The following ARHGAP18 variants were observed in gnomAD, a reference collection of about 807,000 sequenced individuals.
The protein encoded by ARHGAP18 is rho GTPase-activating protein 18.
ARHGAP18 carries 67 observed loss-of-function variants against 86.2 expected under a neutral mutation model. The ratio of observed to expected loss-of-function variants is 0.78; its 90% CI spans 0.64 to 0.95. The LOEUF (loss-of-function observed/expected upper bound fraction) is 0.95, where lower values mean the gene tolerates loss of function less well. ARHGAP18 is among the 40% of genes least tolerant of loss of function. The pLI, the probability that ARHGAP18 is intolerant of heterozygous loss-of-function variation, is 0.00. For synonymous variants in ARHGAP18, 283 were observed against 280.4 expected (o/e 1.01, Z -0.09); for missense variants, 691 against 780.4 (o/e 0.89, Z 1.37).
At chr6:129,594,902 A>G (rs1788585495) in intron 12 of ARHGAP18, among the ~76,000 whole-genome samples, 1 of 152,178 alleles carries the variant, frequency 6.6e-6, no homozygotes, top group South Asian at 2.1e-4. Flanking sequence ...ATTACCACCC[A>G]TAAGCCCAGA....
rs184020778 is a variant in ARHGAP18, at chr6:129,652,049, C to T, written c.114-10031G>A. On this transcript the variant is annotated intron_variant, in intron 1 of 14. Transcript: ENST00000368149. ...ACCAGCCCTTTGATCTTGAACTTTC[C>T]AGTTTCTGAAACTGTGAGAAATACA... Among the ~76,000 whole-genome samples, 3 of 152,298 alleles carry T rather than the reference C, an allele frequency of 2.0e-5. No individual in the cohort carries two copies. The East Asian group carries it at 5.8e-4, about 29-fold the overall frequency.
At chr6:129,708,369 G>A (rs562678147) in intron 1 of ARHGAP18, among the ~76,000 whole-genome samples, 1 of 152,246 alleles carries the variant, frequency 6.6e-6, no homozygotes, top group South Asian at 2.1e-4. Flanking sequence ...CCACCTTAGT[G>A]CCTCTTGGTT....
In ARHGAP18 at chr6:129,629,233, G is replaced by GTCTCTC. The variant is rs376556800; in HGVS notation, c.786+114_786+119dup. ...GCCTCATCTTTCTCTCTGTCTGTCT[G>GTCTCTC]TCTCTCTCTCTCTCTATATATATAT... is the stretch of plus-strand genomic sequence containing the variant. On this transcript the variant is annotated intron_variant, in intron 5 of 14. Transcript: ENST00000368149. The GTCTCTC allele has an allele frequency of 5.7e-6, 4 of 702,214 alleles. No homozygotes were observed. In the African/African-American group the frequency reaches 5.8e-5, roughly 10 times the overall value. 43.5% of individuals were successfully genotyped at this position (702,214 alleles called of 1,614,324 possible).
intron 3 of ARHGAP18, among the ~76,000 whole-genome samples, chr6:129,636,535 C>T (rs1314616976): frequency 6.6e-6 from 1 of 152,126 alleles, no homozygotes; most frequent in African/African-American, 2.4e-5. Flanking sequence ...GCATGTACTT[C>T]AAAGTCAAAC....
chr6:129,608,064 G>GAA lies in ARHGAP18; in HGVS notation c.1123-14_1123-13dup, dbSNP rs577070164. 9,950 of 979,566 alleles carry GAA rather than the reference G, an allele frequency of 0.01. 33 individuals carry two copies. Among genetic ancestry groups the GAA allele is most frequent in the Middle Eastern group, 0.016 (38 of 2,372 alleles). The allele number at this position is 979,566 out of a possible 1,614,324, so 60.7% of individuals were successfully genotyped here. ...TCTTGGCAAAGATTCTGATAGGCAC[G>GAA]AAAAAAAAAAAAAAAAAAAAAAGAA... On this transcript the variant is annotated splice_polypyrimidine_tract_variant and intron_variant, in intron 8 of 14. Coordinates refer to ENST00000368149, the MANE Select transcript of ARHGAP18 (RefSeq NM_033515.3).
At chr6:129,579,616 T>A (rs964819094) in intron 14 of ARHGAP18, among the ~76,000 whole-genome samples, 3 of 152,188 alleles carry the variant, frequency 2.0e-5, no homozygotes, top group African/African-American at 7.2e-5. Context: ...CTAATGTGAA[T>A]TTGAGTGTGT....
In ARHGAP18 at chr6:129,629,439, C is replaced by A. The variant is rs778621532; in HGVS notation, c.700G>T (p.Val234Leu). The A allele has an allele frequency of 1.9e-6, 3 of 1,613,836 alleles. No homozygotes were observed. The highest frequency in any genetic ancestry group is 1.7e-4 in the Middle Eastern group (1 of 6,052). The change falls in exon 5 of 15, where the codon GTA becomes TTA. Residue 234 changes from valine to leucine, a missense_variant. Val to Leu is a conservative substitution (Grantham distance 32). Transcript: ENST00000368149. ...PAPETDINLE[V>L]SFAEQALNQK... The stretch of plus-strand genomic sequence containing the variant: ...TTGAGTGCTTGCTCGGCAAATGATA[C>A]CTCCAGGTTGATGTCTGTTTCAGGG...
chr6:129,683,732 C>T (rs1774369966), intron 1 of ARHGAP18, among the ~76,000 whole-genome samples: 1 of 152,162 alleles, frequency 6.6e-6, no homozygotes, highest in Non-Finnish European at 1.5e-5. Flanking sequence ...ATTTACCTTT[C>T]ACAACAATGC....
At chr6:129,588,490 G>C (rs558793548) in intron 12 of ARHGAP18, among the ~76,000 whole-genome samples, 5 of 152,330 alleles carry the variant, frequency 3.3e-5, no homozygotes, top group African/African-American at 1.2e-4. Flanking sequence ...GATACAAGAG[G>C]TAGGCTCTAA....
intron 5 of ARHGAP18, among the ~76,000 whole-genome samples, chr6:129,628,685 T>A (rs1392900997): frequency 6.6e-6 from 1 of 152,154 alleles, no homozygotes; most frequent in Non-Finnish European, 1.5e-5. Context: ...AATCCAGTCC[T>A]GAGGAAACAA....
chr6:129,647,250 G>C (rs1365566359), intron 1 of ARHGAP18, among the ~76,000 whole-genome samples: 2 of 152,102 alleles, frequency 1.3e-5, no homozygotes, highest in African/African-American at 4.8e-5. Flanking sequence ...TTTGAAAATT[G>C]CCTTAATGTG....
intron 1 of ARHGAP18, among the ~76,000 whole-genome samples, chr6:129,656,575 C>T (rs989796556): frequency 2.6e-5 from 4 of 152,038 alleles, no homozygotes; most frequent in South Asian, 2.1e-4. Flanking sequence ...ACCCGGGAGG[C>T]GGAGGTTGCA....
In ARHGAP18 at chr6:129,667,471, G is replaced by A. The variant is rs748643002; in HGVS notation, c.114-25453C>T. Among the ~76,000 whole-genome samples, 9 of 87,618 alleles carry A rather than the reference G, an allele frequency of 1.0e-4. No individual in the cohort carries two copies. In the South Asian group the frequency reaches 1.9e-3, roughly 19 times the overall value. 57.5% of individuals were successfully genotyped at this position (87,618 alleles called of 152,430 possible). ...TCTATATCAAAAGAAAAATATATATGTGTGTGTGTGTGTGTGTGTGTGTGT... is the reference window on the plus strand; with the variant it reads ...TCTATATCAAAAGAAAAATATATATATGTGTGTGTGTGTGTGTGTGTGTGT... On this transcript the variant is annotated intron_variant, in intron 1 of 14. Coordinates refer to ENST00000368149, the MANE Select transcript of ARHGAP18 (RefSeq NM_033515.3).
At chr6:129,612,538 A>C (rs1032503673) in intron 7 of ARHGAP18, among the ~76,000 whole-genome samples, 3 of 152,224 alleles carry the variant, frequency 2.0e-5, no homozygotes, top group African/African-American at 4.8e-5. Context: ...CCTAAGGCAT[A>C]AAATCTTCTA....
At chr6:129,660,814 G>A (rs560696061) in intron 1 of ARHGAP18, among the ~76,000 whole-genome samples, 2 of 152,266 alleles carry the variant, frequency 1.3e-5, no homozygotes, top group African/African-American at 4.8e-5. Context: ...GCATATCCAT[G>A]AGGGTTAAAA....
rs146303415 is a variant in ARHGAP18 at position 129,675,572 on chromosome 6, A to G, written c.114-33554T>C. On this transcript the variant is annotated intron_variant, in intron 1 of 14. Transcript: ENST00000368149. Reference sequence around the variant, plus strand: ...GCCCACAAAAGCATTTACCACAGACATCTAAAAAAGATGGATACTTCTCTC... The same window carrying G: ...GCCCACAAAAGCATTTACCACAGACGTCTAAAAAAGATGGATACTTCTCTC... Among the ~76,000 whole-genome samples, 563 of 152,202 alleles carry G rather than the reference A, an allele frequency of 3.7e-3. 7 individuals are homozygous for G. Among genetic ancestry groups the G allele is most frequent in the Middle Eastern group, 3.4e-3 (1 of 294 alleles).
chr6:129,683,987 A>G (rs900831349), intron 1 of ARHGAP18, among the ~76,000 whole-genome samples: 1 of 152,250 alleles, frequency 6.6e-6, no homozygotes, highest in Non-Finnish European at 1.5e-5. Flanking sequence ...ACAGCGCGAG[A>G]TGATTGAAGT....
chr6:129,625,728 A>ATTTATATATTATATATATT (rs1562698136), intron 5 of ARHGAP18, among the ~76,000 whole-genome samples: 1 of 56,988 alleles, frequency 1.8e-5, no homozygotes, highest in African/African-American at 6.7e-5. Context: ...TATATTATAT[A>ATTTATATATTATATATATT]TATTTATTAT....
chr6:129,707,056 G>A (rs1000855795), intron 1 of ARHGAP18, among the ~76,000 whole-genome samples: 9 of 150,428 alleles, frequency 6.0e-5, no homozygotes, highest in Admixed American at 2.0e-4. Flanking sequence ...GAGAAACCCC[G>A]ACTCCACTAA....
Sources: gnomAD v4.1 joint callset for allele counts (sites outside exome capture counted in the v4.1 genomes callset) on GRCh38, gnomAD v4.1.1 for gene constraint, MANE v1.5 for transcripts, NCBI Gene and HGNC (gene_info 2026-07-23, HGNC 2026-07-21) for gene names.